Variants in DPH7 observed in about 807,000 individuals in gnomAD.
The protein encoded by DPH7 is diphthine methyltransferase.
Under a neutral mutation model 41.7 loss-of-function variants are expected in DPH7, and 44 were observed. The ratio of observed to expected loss-of-function variants is 1.05; its 90% CI spans 0.83 to 1.36. The LOEUF (loss-of-function observed/expected upper bound fraction) is 1.36. DPH7 is among the 40% of genes most tolerant of loss of function. DPH7 has a pLI of 0.00. For synonymous variants in DPH7, 275 were observed against 238.0 expected (o/e 1.16, Z -1.43); for missense variants, 629 against 577.5 (o/e 1.09, Z -0.91).
chr9:137,576,380 C>A, intron 2 of DPH7: 1 of 552,822 alleles, frequency 1.8e-6, no homozygotes, highest in Non-Finnish European at 3.3e-6. Context: ...GCAAGTGTGA[C>A]ACAACAGGAA....
In DPH7 at chr9:137,575,866, TCTG is replaced by T. The variant is rs549767821; in HGVS notation, c.375+211_375+213del. On this transcript the variant is annotated intron_variant, in intron 3 of 8. Coordinates refer to ENST00000277540, the MANE Select transcript of DPH7 (RefSeq NM_138778.5). ...ATGAACATCCTGTCACTTCAGCCCT[TCTG>T]CTGGTGACACATGAGGTGACTTCCT... is the stretch of plus-strand genomic sequence containing the variant. The T allele has an allele frequency of 2.4e-4, 326 of 1,376,786 alleles. No individual in the cohort carries two copies. In the African/African-American group the frequency reaches 2.7e-3, roughly 11 times the overall value. 85.3% of individuals were successfully genotyped at this position (1,376,786 alleles called of 1,614,324 possible).
intron 5 of DPH7, among the ~76,000 whole-genome samples, chr9:137,568,785 C>T (rs1388532112): frequency 6.6e-6 from 1 of 152,080 alleles, no homozygotes; most frequent in African/African-American, 2.4e-5. Context: ...CTGAAGGGGC[C>T]CTGAAGGCCA....
At position 137,555,446 on chromosome 9, in the gene DPH7, G is replaced by T; in HGVS notation, c.1152C>A (p.Asn384Lys). ...GGGGTCTGGCATGGCCCTCCCCATC[G>T]TTATCCTCTCTGCATTCATGACAGG... ...PTPCHECREDNDGEGHARPQS... is the reference protein window; with the variant it reads ...PTPCHECREDKDGEGHARPQS... Residue 384 changes from asparagine (N) to lysine (K), a missense_variant, in exon 9 of 9, where the codon AAC (asparagine) becomes AAA (lysine). Physicochemically the swap from Asn to Lys is moderately conservative, Grantham distance 94. Coordinates refer to ENST00000277540, the MANE Select transcript of DPH7 (RefSeq NM_138778.5). 6.2e-7 allele frequency: 1 copy of T among 1,614,070 alleles called. No individual in the cohort carries two copies. Among genetic ancestry groups the T allele is most frequent in the Non-Finnish European group, 8.5e-7 (1 of 1,179,988 alleles).
In DPH7 at chr9:137,564,569, T is replaced by C; in HGVS notation, c.814A>G (p.Met272Val). 1.2e-6 allele frequency: 2 copies of C among 1,613,898 alleles called. No homozygotes were observed. Among genetic ancestry groups the C allele is most frequent in the Non-Finnish European group, 1.7e-6 (2 of 1,179,806 alleles). Residue 272 changes from methionine to valine, a missense_variant, in exon 8 of 9, where the codon ATG becomes GTG. Coordinates refer to ENST00000277540, the MANE Select transcript of DPH7 (RefSeq NM_138778.5). ...EHILLWDTRNMKQPLADTPVQ... is the reference protein window; with the variant it reads ...EHILLWDTRNVKQPLADTPVQ... ...GGCGTATCTGCCAACGGCTGCTTCA[T>C]GTTTCGTGTGTCCCACAGTAGGATG...
At position 137,574,269 on chromosome 9, in the gene DPH7, T is replaced by C. The variant is rs1454114343; in HGVS notation, c.579A>G (p.Ala193=). ...CAGCAATCCAGGCCTCGAATTGATG[T>C]GCCTGCCATGAGGCCACTTTCTGCA... ...PRLQKVASWQ[A]HQFEAWIAAF... The change falls in exon 5 of 9, where the codon GCA becomes GCG. Residue 193 remains alanine (A), a synonymous_variant. Coordinates refer to ENST00000277540, the MANE Select transcript of DPH7 (RefSeq NM_138778.5). 6.2e-7 allele frequency: 1 copy of C among 1,614,166 alleles called. No homozygotes were observed. The highest frequency in any genetic ancestry group is 8.5e-7 in the Non-Finnish European group (1 of 1,180,028).
intron 8 of DPH7, among the ~76,000 whole-genome samples, chr9:137,561,623 C>T (rs934726933): frequency 6.8e-6 from 1 of 147,228 alleles, no homozygotes; most frequent in South Asian, 2.1e-4. Context: ...AGAATGAAAA[C>T]GATGCATCAC....
At chr9:137,575,912 A>G (rs1841297802) in intron 3 of DPH7, 168 bp downstream of exon 3, 1 of 1,421,266 alleles carries the variant, frequency 7.0e-7, no homozygotes. Flanking sequence ...TTGGATGTAG[A>G]ACGCAATACA....
At chr9:137,563,618 C>T (rs1328200831) in intron 8 of DPH7, among the ~76,000 whole-genome samples, 1 of 151,840 alleles carries the variant, frequency 6.6e-6, no homozygotes, top group African/African-American at 2.4e-5. Context: ...AAGAAACTGG[C>T]CTTGGGAACA....
intron 8 of DPH7, among the ~76,000 whole-genome samples, chr9:137,562,796 G>A (rs1445564251): frequency 4.6e-5 from 7 of 151,786 alleles, no homozygotes; most frequent in Non-Finnish European, 7.4e-5. Flanking sequence ...GTGAAACCCC[G>A]TCTCTACTAA....
Position 137,555,243 on chromosome 9 carries a change from T to G in DPH7, c.1355A>C (p.Asn452Thr), listed in dbSNP as rs367588014. 1.3e-6 allele frequency: 2 copies of G among 1,592,146 alleles called. No individual in the cohort carries two copies. The highest frequency in any genetic ancestry group is 2.7e-5 in the African/African-American group (2 of 74,396). The part of the protein sequence containing the change: ...HALHLWEWEG[N>T] ...AGGGGCTTCATGATTTCAAGCTCAG[T>G]TCCCCTCCCACTCCCAGAGGTGGAG... Residue 452 changes from asparagine (N) to threonine (T), a missense_variant, in exon 9 of 9, where the codon AAC becomes ACC. By Grantham distance (65) the Asn-to-Thr change is moderately conservative. Coordinates refer to ENST00000277540, the MANE Select transcript of DPH7 (RefSeq NM_138778.5).
At chr9:137,557,878 T>G (rs1480060732) in intron 8 of DPH7, among the ~76,000 whole-genome samples, 1 of 152,064 alleles carries the variant, frequency 6.6e-6, no homozygotes, top group African/African-American at 2.4e-5. Flanking sequence ...CTCACGCCTG[T>G]AATCCTAACA....
intron 7 of DPH7, 80 bp downstream of exon 7, chr9:137,564,813 A>G (rs887523771): frequency 6.6e-6 from 10 of 1,509,178 alleles, no homozygotes; most frequent in African/African-American, 2.8e-5. Flanking sequence ...AAAGGCAGCG[A>G]AAGAGGGAAG....
chr9:137,574,552 G>A, intron 4 of DPH7, 172 bp from the exon 5 acceptor site: 1 of 840,846 alleles, frequency 1.2e-6, no homozygotes, highest in Non-Finnish European at 1.8e-6. Context: ...AGACACCAGT[G>A]TCGACTTCTC....
intron 7 of DPH7, 54 bp from the exon 8 acceptor site, chr9:137,564,660 C>G: frequency 6.3e-7 from 1 of 1,580,954 alleles, no homozygotes; most frequent in East Asian, 2.3e-5. Context: ...CTCACCTGTT[C>G]CACAAGGCCC....
rs767560328 is a variant in DPH7 at position 137,564,602 on chromosome 9, C to G, written c.781G>C (p.Asp261His). Residue 261 changes from aspartate to histidine, a missense_variant, in exon 8 of 9, where the codon GAT (aspartate) becomes CAT (histidine). By Grantham distance (81) the Asp-to-His change is moderately conservative. Transcript: ENST00000277540. The part of the protein sequence containing the change: ...REHILATGSY[D>H]EHILLWDTRN... The stretch of plus-strand genomic sequence containing the variant: ...GTGTCCCACAGTAGGATGTGTTCAT[C>G]ATAGCTGAAACCGACCAACCACAGG... 6.2e-6 allele frequency: 10 copies of G among 1,610,214 alleles called. No individual in the cohort carries two copies. Among genetic ancestry groups the G allele is most frequent in the Admixed American group, 1.7e-5 (1 of 59,944 alleles).
At chr9:137,578,067 C>T in intron 1 of DPH7, 1 of 878,128 alleles carries the variant, frequency 1.1e-6, no homozygotes, top group Non-Finnish European at 1.4e-6. Flanking sequence ...CCTGTGGTGC[C>T]AGCTACTCAG....
chr9:137,576,300 A>C, intron 2 of DPH7, 133 bp from the exon 3 acceptor site: 2 of 701,772 alleles, frequency 2.8e-6, no homozygotes. Context: ...GGGACATCCT[A>C]CTACACACCT....
rs562061862 is a variant in DPH7, at chr9:137,564,482, C to T, written c.901G>A (p.Ala301Thr). 19 of 1,614,080 alleles carry T rather than the reference C, an allele frequency of 1.2e-5. No homozygotes were observed. The highest frequency in any genetic ancestry group is 4.5e-5 in the East Asian group (2 of 44,878). ...HPFHHHLLLA[A>T]CMHSGFKILN... is the part of the protein sequence containing the mutation. ...ATCTTAAAGCCACTGTGCATGCAGG[C>T]GGCCAGGAGCAGGTGGTGGTGGAAA... Residue 301 changes from alanine to threonine, a missense_variant, in exon 8 of 9, where the codon GCC (alanine) becomes ACC (threonine). Physicochemically the swap from Ala to Thr is moderately conservative, Grantham distance 58 (BLOSUM62 0). Transcript: ENST00000277540.
chr9:137,564,824 A>G (rs1337580677), intron 7 of DPH7, 69 bp downstream of exon 7: 8 of 1,526,028 alleles, frequency 5.2e-6, no homozygotes, highest in Non-Finnish European at 6.2e-6. Context: ...AAGAGGGAAG[A>G]AGGGCCCAGG....
Sources: gnomAD v4.1 joint callset for allele counts (sites outside exome capture counted in the v4.1 genomes callset) on GRCh38, gnomAD v4.1.1 for gene constraint, MANE v1.5 for transcripts, NCBI Gene and HGNC (gene_info 2026-07-23, HGNC 2026-07-21) for gene names.